Variants in B3GALT1 observed in about 807,000 individuals in gnomAD.
The protein encoded by B3GALT1 is beta-1,3-galactosyltransferase 1.
In B3GALT1, 10 loss-of-function variants were observed where a neutral mutation model predicts 23.2. The observed-to-expected ratio is 0.43, with a 90% CI of 0.27 to 0.73. The LOEUF (loss-of-function observed/expected upper bound fraction) is 0.73, where lower values mean the gene tolerates loss of function less well. Among genes scored for constraint, B3GALT1 ranks in the 30% least tolerant of loss-of-function variants. B3GALT1 has a pLI of 0.21. For synonymous variants in B3GALT1, 156 were observed against 141.5 expected (o/e 1.10, Z -0.73); for missense variants, 299 against 405.4 (o/e 0.74, Z 2.25).
chr2:167,527,619 T>C (rs1275105051), intron 2 of B3GALT1, among the ~76,000 whole-genome samples: 1 of 152,194 alleles, frequency 6.6e-6, no homozygotes, highest in Non-Finnish European at 1.5e-5. Flanking sequence ...TTCAAACTTG[T>C]GTATTCATCA....
At chr2:167,738,742 T>C (rs1175225284) in intron 3 of B3GALT1, among the ~76,000 whole-genome samples, 1 of 152,214 alleles carries the variant, frequency 6.6e-6, no homozygotes, top group Non-Finnish European at 1.5e-5. Flanking sequence ...TTAGAATAAC[T>C]AGAAGTTTCA....
chr2:167,401,931 G>A (rs1185987514), intron 1 of B3GALT1, among the ~76,000 whole-genome samples: 2 of 152,252 alleles, frequency 1.3e-5, no homozygotes, highest in African/African-American at 4.8e-5. Flanking sequence ...AACTGGAGTA[G>A]AAGCTCATTA....
chr2:167,751,917 T>C (rs1245283425), intron 3 of B3GALT1, among the ~76,000 whole-genome samples: 1 of 152,158 alleles, frequency 6.6e-6, no homozygotes, highest in African/African-American at 2.4e-5. Context: ...ACATTACTAC[T>C]GTAGGCATTT....
At chr2:167,783,677 G>A (rs1175346830) in intron 3 of B3GALT1, among the ~76,000 whole-genome samples, 2 of 152,214 alleles carry the variant, frequency 1.3e-5, no homozygotes, top group East Asian at 1.9e-4. Context: ...CTGGGATCCT[G>A]TCCATATGGC....
chr2:167,367,063 G>T (rs1697599238), intron 1 of B3GALT1, among the ~76,000 whole-genome samples: 1 of 152,174 alleles, frequency 6.6e-6, no homozygotes, highest in Admixed American at 6.5e-5. Flanking sequence ...TAGGTGGTAT[G>T]GTTCATTGAA....
chr2:167,546,959 C>T (rs1422019702), intron 2 of B3GALT1, among the ~76,000 whole-genome samples: 1 of 152,174 alleles, frequency 6.6e-6, no homozygotes, highest in Non-Finnish European at 1.5e-5. Context: ...CCCACTATGC[C>T]CCTGGCCATT....
rs536144697 is a variant in B3GALT1, at chr2:167,317,733, G to A, written c.-511+24399G>A. Among the ~76,000 whole-genome samples, 129 of 152,142 alleles carry A rather than the reference G, an allele frequency of 8.5e-4. 2 individuals carry two copies. In the Middle Eastern group the frequency reaches 0.024, roughly 28 times the overall value. ...TCATATGATTTTTATACAAAAGGTC[G>A]CTGCTTCTTGTGCATGAAGGGAATG... On this transcript the variant is annotated intron_variant, in intron 1 of 4. Coordinates refer to ENST00000392690, the MANE Select transcript of B3GALT1 (RefSeq NM_020981.4).
chr2:167,674,139 G>T (rs1314702958), intron 3 of B3GALT1, among the ~76,000 whole-genome samples: 1 of 151,994 alleles, frequency 6.6e-6, no homozygotes, highest in Non-Finnish European at 1.5e-5. Context: ...AACTAATATT[G>T]GTATTAAAAG....
intron 1 of B3GALT1, among the ~76,000 whole-genome samples, chr2:167,308,251 G>C (rs946277473): frequency 1.3e-5 from 2 of 151,932 alleles, no homozygotes; most frequent in Non-Finnish European, 2.9e-5. Context: ...GTTTTTGATA[G>C]AGCCAAGAAT....
intron 3 of B3GALT1, among the ~76,000 whole-genome samples, chr2:167,792,069 CTAA>C (rs1295689467): frequency 6.8e-6 from 1 of 148,040 alleles, no homozygotes; most frequent in African/African-American, 2.5e-5. Context: ...AAGTGCAAAT[CTAA>C]AAAAAAAAAG....
At chr2:167,607,390 G>A (rs1684983755) in intron 2 of B3GALT1, among the ~76,000 whole-genome samples, 1 of 152,136 alleles carries the variant, frequency 6.6e-6, no homozygotes, top group African/African-American at 2.4e-5. Context: ...TATGGAGTAG[G>A]TTTTCTGGGT....
chr2:167,841,047 G>T (rs1689638953), intron 4 of B3GALT1, among the ~76,000 whole-genome samples: 1 of 105,334 alleles, frequency 9.5e-6, no homozygotes, highest in Non-Finnish European at 1.8e-5. Context: ...AGGGGGGAGG[G>T]ATAGCATTGG....
intron 1 of B3GALT1, among the ~76,000 whole-genome samples, chr2:167,296,855 G>A (rs371996810): frequency 6.6e-6 from 1 of 152,044 alleles, no homozygotes; most frequent in Non-Finnish European, 1.5e-5. Context: ...AAAATATAGT[G>A]ATAACTTATA....
chr2:167,422,046 G>A (rs1698553273), intron 1 of B3GALT1, among the ~76,000 whole-genome samples: 1 of 151,204 alleles, frequency 6.6e-6, no homozygotes, highest in East Asian at 2.0e-4. Flanking sequence ...GCTTATGAGG[G>A]TAGAGGAGGA....
At chr2:167,401,861 T>A (rs1698197147) in intron 1 of B3GALT1, among the ~76,000 whole-genome samples, 1 of 152,178 alleles carries the variant, frequency 6.6e-6, no homozygotes, top group Non-Finnish European at 1.5e-5. Flanking sequence ...TGAGGACAAG[T>A]TTGAATTGCT....
At chr2:167,403,801 G>C (rs1484663383) in intron 1 of B3GALT1, among the ~76,000 whole-genome samples, 1 of 152,094 alleles carries the variant, frequency 6.6e-6, no homozygotes, top group Non-Finnish European at 1.5e-5. Context: ...TATTATCATG[G>C]AAAGGGAAGG....
intron 2 of B3GALT1, among the ~76,000 whole-genome samples, chr2:167,535,078 G>A (rs1682064191): frequency 6.6e-6 from 1 of 152,174 alleles, no homozygotes; most frequent in South Asian, 2.1e-4. Context: ...AAGCCATGCT[G>A]TTTTATCAGA....
intron 4 of B3GALT1, among the ~76,000 whole-genome samples, chr2:167,837,185 T>G (rs1311990428): frequency 8.1e-5 from 12 of 148,200 alleles, no homozygotes; most frequent in East Asian, 2.0e-4. Context: ...CAATATTAAC[T>G]TTAAATGTAA....
rs534157011 is a variant in B3GALT1 at position 167,711,730 on chromosome 2, C to T, written c.-352+64764C>T. On this transcript the variant is annotated intron_variant, in intron 3 of 4. Coordinates refer to ENST00000392690, the MANE Select transcript of B3GALT1 (RefSeq NM_020981.4). ...ATGTAATCCCAGCACTGTGGGAGGCCAAGGTGGGCGAGTAGCTTGATCTCA... is the reference window on the plus strand; with the variant it reads ...ATGTAATCCCAGCACTGTGGGAGGCTAAGGTGGGCGAGTAGCTTGATCTCA... Among the ~76,000 whole-genome samples the T allele has an allele frequency of 3.3e-5, 5 of 152,120 alleles. No individual in the cohort carries two copies. The South Asian group carries it at 6.2e-4, about 19-fold the overall frequency.
Sources: allele counts gnomAD v4.1 joint callset (sites outside exome capture counted in the v4.1 genomes callset), GRCh38; gene constraint gnomAD v4.1.1; transcripts MANE v1.5; gene names NCBI Gene and HGNC (gene_info 2026-07-23, HGNC 2026-07-21).